PTPRM: variants seen among roughly 807,000 people sequenced by gnomAD.
PTPRM encodes protein tyrosine phosphatase receptor type M.
A neutral mutation model predicts 186.7 loss-of-function variants in PTPRM; 47 were observed. That is an observed-to-expected ratio of 0.25 (90% CI 0.20 to 0.32). PTPRM has a LOEUF of 0.32. Ranked by LOEUF, PTPRM falls within the 10% of genes least tolerant of loss-of-function variation. The pLI, the probability that PTPRM is intolerant of heterozygous loss-of-function variation, is 1.00. For synonymous variants in PTPRM, 668 were observed against 674.9 expected (o/e 0.99, Z 0.16); for missense variants, 1,494 against 1,865.0 (o/e 0.80, Z 3.66).
At chr18:8,047,932 G>A (rs571376515) in intron 7 of PTPRM, among the ~76,000 whole-genome samples, 1 of 152,274 alleles carries the variant, frequency 6.6e-6, no homozygotes, top group South Asian at 2.1e-4. Context: ...TCCTCTTGAA[G>A]GACTACGGAA....
chr18:8,034,459 T>C lies in PTPRM; in HGVS notation c.1133-35227T>C, dbSNP rs1026142204. Among the ~76,000 whole-genome samples, 3 of 152,022 alleles carry C rather than the reference T, an allele frequency of 2.0e-5. No individual in the cohort carries two copies. In the East Asian group the frequency reaches 5.8e-4, roughly 29 times the overall value. ...AAATCTCCATTCATCTGTAGACCTG[T>C]GAAACTAAAAAAAAAGTTATCTGCT... On this transcript the variant is annotated intron_variant, in intron 7 of 32. Coordinates refer to ENST00000580170, the MANE Select transcript of PTPRM (RefSeq NM_001105244.2).
chr18:7,660,007 C>T (rs988946689), intron 1 of PTPRM, among the ~76,000 whole-genome samples: 3 of 152,244 alleles, frequency 2.0e-5, no homozygotes, highest in African/African-American at 4.8e-5. Flanking sequence ...TGAAAGTGGA[C>T]GTGCTACACT....
At position 8,069,612 on chromosome 18, in the gene PTPRM, G is replaced by T. The variant is rs1266649992; in HGVS notation, c.1133-74G>T. 30 of 1,328,968 alleles carry T rather than the reference G, an allele frequency of 2.3e-5. No individual in the cohort carries two copies. The East Asian group carries it at 7.3e-4, about 32-fold the overall frequency. The allele number at this position is 1,328,968 out of a possible 1,614,324, so 82.3% of individuals were successfully genotyped here. A position where few individuals can be genotyped will look rare whatever the true frequency, so the allele number is the denominator to read the frequency against. On this transcript the variant is annotated intron_variant, in intron 7 of 32. Coordinates refer to ENST00000580170, the MANE Select transcript of PTPRM (RefSeq NM_001105244.2). ...GTGGTGGGGACAACTGGGAATATCTGTGACCTTTGGGATTGACCTGAGCCT... is the reference window on the plus strand; with the variant it reads ...GTGGTGGGGACAACTGGGAATATCTTTGACCTTTGGGATTGACCTGAGCCT...
rs538262863 is a variant in PTPRM, at chr18:8,013,702, C to T, written c.1133-55984C>T. ...GGTACATACCATCCCCTCTGTTGGCCACTGTGAAGGAGGAACGCCATTAGT... is the reference window on the plus strand; with the variant it reads ...GGTACATACCATCCCCTCTGTTGGCTACTGTGAAGGAGGAACGCCATTAGT... On this transcript the variant is annotated intron_variant, in intron 7 of 32. Coordinates refer to ENST00000580170, the MANE Select transcript of PTPRM (RefSeq NM_001105244.2). Among the ~76,000 whole-genome samples the T allele has an allele frequency of 7.2e-5, 11 of 152,234 alleles. No individual in the cohort carries two copies. The South Asian group carries it at 1.0e-3, about 14-fold the overall frequency.
At chr18:7,767,674 CT>C (rs2042076786) in intron 1 of PTPRM, among the ~76,000 whole-genome samples, 1 of 152,046 alleles carries the variant, frequency 6.6e-6, no homozygotes, top group South Asian at 2.1e-4. Flanking sequence ...CAAGAATGAC[CT>C]TTATCAACAA....
intron 3 of PTPRM, among the ~76,000 whole-genome samples, chr18:7,902,706 T>C (rs1202343486): frequency 6.6e-6 from 1 of 152,204 alleles, no homozygotes; most frequent in Non-Finnish European, 1.5e-5. Flanking sequence ...ATTTTATAAA[T>C]ATTTGGACTA....
intron 7 of PTPRM, among the ~76,000 whole-genome samples, chr18:8,053,394 A>G (rs920243865): frequency 1.3e-5 from 2 of 152,086 alleles, no homozygotes; most frequent in South Asian, 4.1e-4. Context: ...TAATTGAGTC[A>G]GAATTGATTT....
At chr18:8,012,907 C>G (rs2084626741) in intron 7 of PTPRM, among the ~76,000 whole-genome samples, 2 of 152,076 alleles carry the variant, frequency 1.3e-5, no homozygotes, top group South Asian at 4.2e-4. Flanking sequence ...CATGAAAGAG[C>G]TGGACTACTC....
chr18:8,162,140 C>T lies in PTPRM; in HGVS notation c.2300+18361C>T, dbSNP rs560371873. Among the ~76,000 whole-genome samples the T allele has an allele frequency of 1.0e-4, 15 of 150,372 alleles. No homozygotes were observed. The East Asian group carries it at 2.9e-3, about 29-fold the overall frequency. The stretch of plus-strand genomic sequence containing the variant: ...TTCCTACGGAGTTTCACTCTTGTTG[C>T]CCAAGCTGGAGTGCAATGGCGCCAT... On this transcript the variant is annotated intron_variant, in intron 14 of 32. Transcript: ENST00000580170.
At chr18:8,035,151 C>A (rs1362805503) in intron 7 of PTPRM, among the ~76,000 whole-genome samples, 1 of 152,190 alleles carries the variant, frequency 6.6e-6, no homozygotes, top group Non-Finnish European at 1.5e-5. Flanking sequence ...CTATCAAATG[C>A]TGATGTCTTT....
chr18:7,712,704 C>T (rs945057130), intron 1 of PTPRM, among the ~76,000 whole-genome samples: 3 of 151,858 alleles, frequency 2.0e-5, no homozygotes, highest in African/African-American at 4.8e-5. Context: ...AAACACAGCA[C>T]GAGAACTTCG....
At chr18:8,394,682 T>G in intron 32 of PTPRM, 71 bp downstream of exon 32, 1 of 1,436,602 alleles carries the variant, frequency 7.0e-7, no homozygotes, top group Non-Finnish European at 9.3e-7. Context: ...GCTCCCAGAT[T>G]TGCAGGGAAA....
At chr18:8,290,395 A>AT (rs908656124) in intron 19 of PTPRM, among the ~76,000 whole-genome samples, 1 of 151,554 alleles carries the variant, frequency 6.6e-6, no homozygotes, top group African/African-American at 2.4e-5. Flanking sequence ...GTTGAATAGG[A>AT]TTTTTTTCTC....
In PTPRM at chr18:7,888,326, A is replaced by C. The variant is rs763435001; in HGVS notation, c.417A>C (p.Thr139=). 17 of 1,614,230 alleles carry C rather than the reference A, an allele frequency of 1.1e-5. No homozygotes were observed. In the South Asian group the frequency reaches 1.8e-4, roughly 17 times the overall value. Residue 139 remains threonine, a synonymous_variant, in exon 3 of 33, where the codon ACA becomes ACC. Transcript: ENST00000580170. ...ATATATCTGGAGACCCAACACGTACATGGAACAGGGCAGAACTGGCCATTA... is the reference window on the plus strand; with the variant it reads ...ATATATCTGGAGACCCAACACGTACCTGGAACAGGGCAGAACTGGCCATTA... ...IWNISGDPTR[T]WNRAELAIST...
At chr18:7,718,055 GA>G (rs897192057) in intron 1 of PTPRM, among the ~76,000 whole-genome samples, 53 of 147,598 alleles carry the variant, frequency 3.6e-4, no homozygotes, top group Middle Eastern at 3.5e-3. Context: ...ACAGAAGTTA[GA>G]AAAAAAAAAT....
intron 1 of PTPRM, among the ~76,000 whole-genome samples, chr18:7,638,494 G>A (rs772344083): frequency 1.3e-5 from 2 of 152,100 alleles, no homozygotes; most frequent in Non-Finnish European, 2.9e-5. Flanking sequence ...TAATTTCTTA[G>A]ACATATTTAT....
chr18:7,781,107 A>T (rs139135488), intron 2 of PTPRM, among the ~76,000 whole-genome samples: 1 of 152,136 alleles, frequency 6.6e-6, no homozygotes, highest in African/African-American at 2.4e-5. Flanking sequence ...TTTAGAGGCA[A>T]TTTGGTATGA....
rs1301091490 is a variant in PTPRM at position 8,159,636 on chromosome 18, C to CCCGACAGTG, written c.2300+15866_2300+15874dup. Among the ~76,000 whole-genome samples the CCCGACAGTG allele has an allele frequency of 2.0e-5, 3 of 152,146 alleles. No homozygotes were observed. The East Asian group carries it at 5.8e-4, about 29-fold the overall frequency. On this transcript the variant is annotated intron_variant, in intron 14 of 32. Coordinates refer to ENST00000580170, the MANE Select transcript of PTPRM (RefSeq NM_001105244.2). ...TTAGTGCTTTGCTTACTGTGTCCCT[C>CCCGACAGTG]CCGACAGTGCCGACAGTACGCTCTC... is the stretch of plus-strand genomic sequence containing the variant.
chr18:7,760,506 C>CT (rs2041719593), intron 1 of PTPRM, among the ~76,000 whole-genome samples: 1 of 152,278 alleles, frequency 6.6e-6, no homozygotes, highest in African/African-American at 2.4e-5. Flanking sequence ...CCCTCGTGGG[C>CT]TGAGAGAGCC....
Sources: allele counts gnomAD v4.1 joint callset (sites outside exome capture counted in the v4.1 genomes callset), GRCh38; gene constraint gnomAD v4.1.1; transcripts MANE v1.5; gene names NCBI Gene and HGNC (gene_info 2026-07-23, HGNC 2026-07-21).